Variants in PDS5B observed in about 807,000 individuals in gnomAD.
PDS5B encodes the protein PDS5 cohesin associated factor B.
A neutral mutation model predicts 184.1 loss-of-function variants in PDS5B; 51 were observed. The ratio of observed to expected loss-of-function variants is 0.28; its 90% confidence interval spans 0.22 to 0.35. The LOEUF (loss-of-function observed/expected upper bound fraction) is 0.35. Ranked by LOEUF, PDS5B falls within the 10% of genes least tolerant of loss-of-function variation. PDS5B has a pLI of 1.00. For synonymous variants in PDS5B, 566 were observed against 569.2 expected (o/e 0.99, Z 0.08); for missense variants, 1,180 against 1,723.3 (o/e 0.68, Z 5.58).
At position 32,773,222 on chromosome 13, in the gene PDS5B, G is replaced by A. The variant is rs763542907; in HGVS notation, c.4206G>A (p.Lys1402=). The change falls in exon 34 of 35, where the codon AAG becomes AAA. Residue 1402 remains lysine (K), a synonymous_variant. Transcript: ENST00000315596. ...RVGRSKQAAT[K]ENDSSEEVDV... is the part of the protein sequence containing the mutation. ...GACGCTCCAAACAAGCAGCTACTAA[G>A]GAAAATGATTCAAGTGAAGAAGTAG... The A allele has an allele frequency of 8.1e-6, 13 of 1,613,060 alleles. No individual in the cohort carries two copies. Among genetic ancestry groups the A allele is most frequent in the African/African-American group, 1.3e-5 (1 of 74,864 alleles).
intron 19 of PDS5B, among the ~76,000 whole-genome samples, chr13:32,724,157 C>G (rs1250639225): frequency 6.6e-6 from 1 of 152,276 alleles, no homozygotes; most frequent in South Asian, 2.1e-4. Flanking sequence ...TGGTCTGTTG[C>G]CCAGACTGGA....
At chr13:32,714,746 G>A (rs1366626256) in intron 19 of PDS5B, among the ~76,000 whole-genome samples, 2 of 152,142 alleles carry the variant, frequency 1.3e-5, no homozygotes, top group Non-Finnish European at 2.9e-5. Flanking sequence ...AACGATTGTT[G>A]TTATCCTGCT....
In PDS5B at chr13:32,716,875, C is replaced by T. The variant is rs1403932579; in HGVS notation, c.2123+6769C>T. ...CAGCCCCCCGCCCGGCCAGCCGCCC[C>T]GTCCGGGAGGTGAGGGGTGCCTTTG... On this transcript the variant is annotated intron_variant, in intron 19 of 34. Transcript: ENST00000315596. Among the ~76,000 whole-genome samples, 25 of 121,438 alleles carry T rather than the reference C, an allele frequency of 2.1e-4. 1 individual carries two copies. The highest frequency in any genetic ancestry group is 6.3e-4 in the African/African-American group (21 of 33,296). 79.7% of individuals were successfully genotyped at this position (121,438 alleles called of 152,430 possible).
At chr13:32,599,559 C>T (rs1215436703) in intron 1 of PDS5B, among the ~76,000 whole-genome samples, 2 of 151,974 alleles carry the variant, frequency 1.3e-5, no homozygotes, top group Non-Finnish European at 2.9e-5. Flanking sequence ...ATTACCACAC[C>T]TGGCCTATTT....
intron 19 of PDS5B, among the ~76,000 whole-genome samples, chr13:32,713,693 T>C (rs1048474278): frequency 6.6e-6 from 1 of 152,100 alleles, no homozygotes; most frequent in African/African-American, 2.4e-5. Context: ...TGAAAAACCA[T>C]AATTGACATC....
chr13:32,740,081 TG>T (rs1311304700), intron 21 of PDS5B, among the ~76,000 whole-genome samples: 1 of 152,194 alleles, frequency 6.6e-6, no homozygotes, highest in Non-Finnish European at 1.5e-5. Flanking sequence ...TCTTTCAACA[TG>T]GATTGTAATT....
At chr13:32,723,061 A>G (rs572407913) in intron 19 of PDS5B, among the ~76,000 whole-genome samples, 1 of 152,344 alleles carries the variant, frequency 6.6e-6, no homozygotes, top group Admixed American at 6.5e-5. Context: ...TGTTTTTAAA[A>G]ATTTTTAAAT....
chr13:32,775,097 C>CTTTTTTTTCT lies in PDS5B; in HGVS notation c.*53_*54insCTTTTTTTTT. 1.2e-6 allele frequency: 1 copy of CTTTTTTTTCT among 862,708 alleles called. No homozygotes were observed. Among genetic ancestry groups the CTTTTTTTTCT allele is most frequent in the Non-Finnish European group, 1.7e-6 (1 of 591,422 alleles). The allele number at this position is 862,708 out of a possible 1,614,324, so 53.4% of individuals were successfully genotyped here. On this transcript the variant is annotated 3_prime_UTR_variant, in exon 35 of 35. Transcript: ENST00000315596. Reference sequence around the variant, plus strand: ...TTCTCTGTGAAAGCTTTGGAAAAATCTTTTTTTTTTTTTTTGGTCAAGCTT... The same window carrying CTTTTTTTTCT: ...TTCTCTGTGAAAGCTTTGGAAAAATCTTTTTTTTCTTTTTTTTTTTTTTTTGGTCAAGCTT...
chr13:32,665,516 G>A (rs1279610973), intron 6 of PDS5B, among the ~76,000 whole-genome samples: 1 of 144,508 alleles, frequency 6.9e-6, no homozygotes, highest in Non-Finnish European at 1.5e-5. Flanking sequence ...GTGAACCCGG[G>A]AGGCAGAGCT....
At chr13:32,691,434 A>G (rs1034512451) in intron 13 of PDS5B, among the ~76,000 whole-genome samples, 1 of 152,118 alleles carries the variant, frequency 6.6e-6, no homozygotes, top group Admixed American at 6.6e-5. Context: ...CAGAAAATGG[A>G]TGTCTGCATT....
chr13:32,681,648 ATT>A (rs56328259), intron 10 of PDS5B, among the ~76,000 whole-genome samples: 3 of 147,812 alleles, frequency 2.0e-5, no homozygotes, highest in Non-Finnish European at 4.5e-5. Flanking sequence ...TGAGGCTTTG[ATT>A]TTTTTTTTTA....
At chr13:32,635,170 GTTTTTTTTTTT>G (rs71071054) in intron 1 of PDS5B, among the ~76,000 whole-genome samples, 3 of 81,120 alleles carry the variant, frequency 3.7e-5, no homozygotes, top group East Asian at 3.7e-4. Context: ...AGCCAATTAC[GTTTTTTTTTTT>G]TTTTTTTTTT....
chr13:32,741,185 A>G (rs369046646), intron 22 of PDS5B, 37 bp downstream of exon 22: 2 of 1,043,538 alleles, frequency 1.9e-6, no homozygotes, highest in African/African-American at 3.2e-5. Flanking sequence ...TTTTAATATA[A>G]TCACCACATT....
chr13:32,632,588 G>A (rs1391558047), intron 1 of PDS5B, among the ~76,000 whole-genome samples: 2 of 152,204 alleles, frequency 1.3e-5, no homozygotes, highest in South Asian at 4.1e-4. Context: ...AAACAGTTTG[G>A]TGGTTCTTCA....
At chr13:32,700,540 A>C (rs1362450176) in intron 16 of PDS5B, among the ~76,000 whole-genome samples, 1 of 151,986 alleles carries the variant, frequency 6.6e-6, no homozygotes, top group Non-Finnish European at 1.5e-5. Flanking sequence ...TTGGCCATTC[A>C]TATTTCTTTT....
chr13:32,729,973 C>T (rs1348247657), intron 19 of PDS5B, among the ~76,000 whole-genome samples: 2 of 152,120 alleles, frequency 1.3e-5, no homozygotes, highest in Admixed American at 6.5e-5. Flanking sequence ...TCAATTTTGG[C>T]TTTTGTTGCC....
rs973686954 is a variant in PDS5B, at chr13:32,708,703, G to A, written c.1963-1243G>A. Among the ~76,000 whole-genome samples the A allele has an allele frequency of 5.9e-5, 9 of 151,932 alleles. No homozygotes were observed. In the East Asian group the frequency reaches 1.7e-3, roughly 29 times the overall value. On this transcript the variant is annotated intron_variant, in intron 18 of 34. Coordinates refer to ENST00000315596, the MANE Select transcript of PDS5B (RefSeq NM_015032.4). ...TAATTTGCATATTTAATACTAGTGA[G>A]GTCCATATGTTAATCATTTGTGTTT... is the stretch of plus-strand genomic sequence containing the variant.
intron 6 of PDS5B, among the ~76,000 whole-genome samples, chr13:32,664,943 A>G (rs944673646): frequency 1.3e-5 from 2 of 152,268 alleles, no homozygotes; most frequent in Admixed American, 6.5e-5. Context: ...GAAAGAGCAA[A>G]TGACCAATAA....
At chr13:32,754,158 G>A (rs984432832) in intron 25 of PDS5B, among the ~76,000 whole-genome samples, 1 of 152,016 alleles carries the variant, frequency 6.6e-6, no homozygotes, top group African/African-American at 2.4e-5. Flanking sequence ...CACTTGGATT[G>A]TTGTATACAT....
Sources: allele counts gnomAD v4.1 joint callset (sites outside exome capture counted in the v4.1 genomes callset), GRCh38; gene constraint gnomAD v4.1.1; transcripts MANE v1.5; gene names NCBI Gene and HGNC (gene_info 2026-07-23, HGNC 2026-07-21).